RGS7: variants seen among roughly 807,000 people sequenced by gnomAD.
RGS7 encodes regulator of G protein signaling 7.
A neutral mutation model predicts 81.1 loss-of-function variants in RGS7; 27 were observed. The observed-to-expected ratio is 0.33, with a 90% CI of 0.25 to 0.46. The LOEUF is 0.46. RGS7 is among the 20% of genes least tolerant of loss of function. The probability of loss-of-function intolerance (pLI) is 1.00; values close to 1 mark genes in which losing one functional copy is unlikely to be tolerated. For synonymous variants in RGS7, 208 were observed against 207.7 expected (o/e 1.00, Z -0.01); for missense variants, 396 against 607.4 (o/e 0.65, Z 3.66).
At chr1:241,220,994 G>GTAGGAAGA (rs2074904897) in intron 2 of RGS7, among the ~76,000 whole-genome samples, 1 of 93,492 alleles carries the variant, frequency 1.1e-5, no homozygotes. Context: ...AGGAAGGAAG[G>GTAGGAAGA]AAGAGAGAGA....
At chr1:240,847,447 C>T (rs1558346184) in intron 9 of RGS7, among the ~76,000 whole-genome samples, 2 of 152,316 alleles carry the variant, frequency 1.3e-5, no homozygotes, top group Non-Finnish European at 1.5e-5. Context: ...ATCCCTTGAA[C>T]ACTACATCAC....
chr1:240,924,095 TTC>T (rs1412765248), intron 6 of RGS7, among the ~76,000 whole-genome samples: 13 of 152,302 alleles, frequency 8.5e-5, no homozygotes, highest in African/African-American at 2.9e-4. Flanking sequence ...ATGGCAAGCT[TTC>T]TACCAATGGT....
chr1:241,099,687 C>A (rs2064573853), intron 2 of RGS7, among the ~76,000 whole-genome samples: 1 of 152,222 alleles, frequency 6.6e-6, no homozygotes, highest in Admixed American at 6.5e-5. Context: ...CAGAGACACA[C>A]AAACATACCC....
At chr1:241,337,857 GATT>G (rs1228899837) in intron 2 of RGS7, among the ~76,000 whole-genome samples, 7 of 152,074 alleles carry the variant, frequency 4.6e-5, no homozygotes. Flanking sequence ...TTATTTACTG[GATT>G]ATTTATTTGC....
chr1:240,912,694 CAAT>C (rs1174359756), intron 6 of RGS7, among the ~76,000 whole-genome samples: 1 of 152,078 alleles, frequency 6.6e-6, no homozygotes, highest in African/African-American at 2.4e-5. Flanking sequence ...TTACATAAAG[CAAT>C]CATTCCTTCC....
At chr1:241,306,528 G>C (rs1032208810) in intron 2 of RGS7, among the ~76,000 whole-genome samples, 2 of 146,760 alleles carry the variant, frequency 1.4e-5, no homozygotes, top group Non-Finnish European at 3.0e-5. Context: ...ATGTACACAC[G>C]TCCACACACA....
In RGS7 at chr1:241,300,451, C is replaced by T. The variant is rs562990266; in HGVS notation, c.78+55248G>A. ...TCCCACTCTTCTTAAGCCTTAGCAA[C>T]CACTAATCTTTTCACCATCTCCATA... On this transcript the variant is annotated intron_variant, in intron 2 of 18. Coordinates refer to ENST00000440928, the MANE Select transcript of RGS7 (RefSeq NM_001364886.1). 3.1e-4 allele frequency among the ~76,000 whole-genome samples: 47 copies of T among 152,294 alleles called. 1 individual carries two copies. The highest frequency in any genetic ancestry group is 1.1e-3 in the African/African-American group (46 of 41,566).
intron 2 of RGS7, among the ~76,000 whole-genome samples, chr1:241,142,847 G>A (rs940857463): frequency 3.3e-5 from 5 of 152,132 alleles, no homozygotes; most frequent in East Asian, 1.9e-4. Flanking sequence ...GTCAAGCTGC[G>A]AATTTTCCAA....
chr1:241,176,216 T>C (rs1558156997), intron 2 of RGS7, among the ~76,000 whole-genome samples: 1 of 152,162 alleles, frequency 6.6e-6, no homozygotes. Context: ...AGGGGAGTTG[T>C]GGCCAGAAGT....
intron 9 of RGS7, among the ~76,000 whole-genome samples, chr1:240,833,396 G>A (rs1489162424): frequency 6.6e-6 from 1 of 152,182 alleles, no homozygotes; most frequent in Non-Finnish European, 1.5e-5. Flanking sequence ...GACTGCAGTT[G>A]ACTGTGGGTA....
At chr1:241,099,240 T>C (rs1048373289) in intron 2 of RGS7, among the ~76,000 whole-genome samples, 2 of 152,182 alleles carry the variant, frequency 1.3e-5, no homozygotes, top group Non-Finnish European at 2.9e-5. Flanking sequence ...TGCCTAGAAA[T>C]CCAGGACTGA....
At chr1:241,024,194 T>G (rs1475366722) in intron 3 of RGS7, among the ~76,000 whole-genome samples, 2 of 152,194 alleles carry the variant, frequency 1.3e-5, no homozygotes, top group Non-Finnish European at 2.9e-5. Flanking sequence ...AAATAATATA[T>G]TCACACAGTG....
intron 2 of RGS7, among the ~76,000 whole-genome samples, chr1:241,288,953 A>G (rs2078958479): frequency 6.6e-6 from 1 of 152,234 alleles, no homozygotes; most frequent in African/African-American, 2.4e-5. Context: ...ATTTTCTGAC[A>G]TCAGCCTAAA....
intron 3 of RGS7, among the ~76,000 whole-genome samples, chr1:240,993,488 C>T (rs1264899673): frequency 6.6e-6 from 1 of 152,012 alleles, no homozygotes; most frequent in African/African-American, 2.4e-5. Flanking sequence ...TTTTCATATG[C>T]TTTTTTGGTG....
intron 2 of RGS7, among the ~76,000 whole-genome samples, chr1:241,155,799 G>A (rs1383961716): frequency 1.3e-5 from 2 of 152,092 alleles, no homozygotes; most frequent in East Asian, 3.9e-4. Flanking sequence ...TTCAAGTAGA[G>A]TGATTTTTAA....
intron 3 of RGS7, among the ~76,000 whole-genome samples, chr1:241,007,439 C>A (rs1011237438): frequency 6.6e-6 from 1 of 152,088 alleles, no homozygotes; most frequent in African/African-American, 2.4e-5. Flanking sequence ...AACAATAGGT[C>A]ATTAGTAGTT....
At chr1:241,250,808 C>T (rs2076792627) in intron 2 of RGS7, among the ~76,000 whole-genome samples, 1 of 152,188 alleles carries the variant, frequency 6.6e-6, no homozygotes, top group Non-Finnish European at 1.5e-5. Context: ...AATATTGGTA[C>T]CATAAGAAGT....
At chr1:240,847,617 G>A (rs1402633413) in intron 9 of RGS7, among the ~76,000 whole-genome samples, 3 of 152,126 alleles carry the variant, frequency 2.0e-5, no homozygotes, top group Non-Finnish European at 4.4e-5. Flanking sequence ...ACACAATGTT[G>A]CCCTCCCCAA....
chr1:240,778,983 C>T (rs1297240696), intron 18 of RGS7, among the ~76,000 whole-genome samples: 1 of 152,074 alleles, frequency 6.6e-6, no homozygotes, highest in African/African-American at 2.4e-5. Context: ...CTGTCTGTCC[C>T]CCTCAAAGCT....
Sources: gnomAD v4.1 joint callset for allele counts (sites outside exome capture counted in the v4.1 genomes callset) on GRCh38, gnomAD v4.1.1 for gene constraint, MANE v1.5 for transcripts, NCBI Gene and HGNC (gene_info 2026-07-23, HGNC 2026-07-21) for gene names.